Variants in TCTN3 observed in about 807,000 individuals in gnomAD.
TCTN3 encodes the protein tectonic family member 3.
A neutral mutation model predicts 71.3 loss-of-function variants in TCTN3; 57 were observed. The observed-to-expected ratio is 0.80, with a 90% CI of 0.65 to 1.00. The LOEUF (loss-of-function observed/expected upper bound fraction) is 1.00. TCTN3 is among the 50% of genes least tolerant of loss of function. The pLI is 0.00. For synonymous variants in TCTN3, 258 were observed against 267.8 expected (o/e 0.96, Z 0.36); for missense variants, 696 against 719.9 (o/e 0.97, Z 0.38).
rs906355850 is a variant in TCTN3 at position 95,680,778 on chromosome 10, CT to C, written c.1453-170del. Among the ~76,000 whole-genome samples the C allele has an allele frequency of 9.5e-3, 1,276 of 134,276 alleles. 5 individuals are homozygous for C. Among genetic ancestry groups the C allele is most frequent in the Admixed American group, 0.02 (256 of 13,118 alleles). 88.1% of individuals were successfully genotyped at this position (134,276 alleles called of 152,430 possible). A position where few individuals can be genotyped will look rare whatever the true frequency, so the allele number is the denominator to read the frequency against. On this transcript the variant is annotated intron_variant, in intron 12 of 13. Coordinates refer to ENST00000371217, the MANE Select transcript of TCTN3 (RefSeq NM_015631.6). Reference sequence around the variant, plus strand: ...ATAAGACTATGTTATTATTCCTGATCTTTTTTTTTTTTTTTTTTGAGACGAA... The same window carrying C: ...ATAAGACTATGTTATTATTCCTGATCTTTTTTTTTTTTTTTTTGAGACGAA...
chr10:95,679,860 G>C (rs1246963104), intron 13 of TCTN3, among the ~76,000 whole-genome samples: 3 of 152,104 alleles, frequency 2.0e-5, no homozygotes, highest in Non-Finnish European at 4.4e-5. Context: ...AAAGTGCTGG[G>C]ATTACAGGCG....
At chr10:95,684,650 T>C (rs751623365) in intron 8 of TCTN3, 26 bp from the exon 9 acceptor site, 1 of 1,611,168 alleles carries the variant, frequency 6.2e-7, no homozygotes, top group South Asian at 1.1e-5. Flanking sequence ...AATCAATTAA[T>C]AAAAAGTAGT....
At chr10:95,677,467 G>T (rs1440827575) in intron 13 of TCTN3, among the ~76,000 whole-genome samples, 2 of 40,708 alleles carry the variant, frequency 4.9e-5, no homozygotes, top group Non-Finnish European at 6.5e-5. Flanking sequence ...AGATAGTGAA[G>T]TCTACAGTTT....
At chr10:95,689,261 G>A (rs920679420) in intron 3 of TCTN3, among the ~76,000 whole-genome samples, 6 of 152,080 alleles carry the variant, frequency 3.9e-5, no homozygotes, top group South Asian at 2.1e-4. Context: ...AGGCCACTCC[G>A]CAGACCTCAG....
At chr10:95,671,757 A>T (rs1001650180) in intron 13 of TCTN3, among the ~76,000 whole-genome samples, 9 of 151,944 alleles carry the variant, frequency 5.9e-5, no homozygotes, top group Non-Finnish European at 8.8e-5. Context: ...TGCCCAGCTA[A>T]TTTTTTGTAT....
At chr10:95,691,306 C>A (rs933180135) in intron 3 of TCTN3, among the ~76,000 whole-genome samples, 2 of 152,118 alleles carry the variant, frequency 1.3e-5, no homozygotes, top group East Asian at 3.9e-4. Flanking sequence ...GTGCCCACTA[C>A]CATGCCTGGA....
At position 95,663,887 on chromosome 10, in the gene TCTN3, A is replaced by G. The variant is rs1166334224; in HGVS notation, c.*180T>C. 5.1e-6 allele frequency: 3 copies of G among 592,944 alleles called. No homozygotes were observed. The highest frequency in any genetic ancestry group is 8.9e-6 in the Non-Finnish European group (3 of 336,570). The allele number at this position is 592,944 out of a possible 1,614,324, so 36.7% of individuals were successfully genotyped here. On this transcript the variant is annotated 3_prime_UTR_variant, in exon 14 of 14. Transcript: ENST00000371217. ...CCCAAAGCAGAGAGCTATGATGAAT[A>G]AAATATTTTTATTGCTTTTCTAAAA...
chr10:95,686,422 T>TA, intron 7 of TCTN3, 73 bp downstream of exon 7: 3 of 1,475,566 alleles, frequency 2.0e-6, no homozygotes, highest in Non-Finnish European at 2.8e-6. Context: ...CAGTACAACT[T>TA]AGACTAAAAT....
chr10:95,687,497 T>G (rs1268874017), intron 4 of TCTN3, 95 bp downstream of exon 4: 5 of 1,562,852 alleles, frequency 3.2e-6, no homozygotes, highest in Non-Finnish European at 3.5e-6. Context: ...ATGGTTTAGC[T>G]AGCTGCAGGG....
intron 13 of TCTN3, among the ~76,000 whole-genome samples, chr10:95,672,872 T>C (rs1766174705): frequency 6.6e-6 from 1 of 151,856 alleles, no homozygotes; most frequent in Admixed American, 6.6e-5. Flanking sequence ...TTTGTGTTTT[T>C]AGTAGAGATG....
chr10:95,684,018 C>T (rs2097945852), intron 9 of TCTN3, among the ~76,000 whole-genome samples: 1 of 152,036 alleles, frequency 6.6e-6, no homozygotes, highest in Non-Finnish European at 1.5e-5. Flanking sequence ...CTCTGAGAGA[C>T]ACAGCAGTTG....
intron 12 of TCTN3, among the ~76,000 whole-genome samples, chr10:95,681,304 G>C (rs2097942771): frequency 6.6e-6 from 1 of 151,852 alleles, no homozygotes; most frequent in Non-Finnish European, 1.5e-5. Context: ...TTAAACTCCT[G>C]ATCTCAAGTG....
intron 8 of TCTN3, among the ~76,000 whole-genome samples, 197 bp downstream of exon 8, chr10:95,685,359 T>C (rs926887581): frequency 4.6e-5 from 7 of 152,208 alleles, no homozygotes; most frequent in Non-Finnish European, 8.8e-5. Context: ...TTGGGAATTG[T>C]TGAAATTCAC....
chr10:95,668,352 G>A lies in TCTN3; in HGVS notation c.1591-4052C>T, dbSNP rs543933606. Among the ~76,000 whole-genome samples the A allele has an allele frequency of 1.3e-4, 19 of 151,232 alleles. No individual in the cohort carries two copies. In the South Asian group the frequency reaches 4.0e-3, roughly 32 times the overall value. ...AAAATTCTCAGAACTGAGTTTCAGA[G>A]TAAAAAATTTGGTATAATGAATGAA... On this transcript the variant is annotated intron_variant, in intron 13 of 13. Coordinates refer to ENST00000371217, the MANE Select transcript of TCTN3 (RefSeq NM_015631.6).
rs759598264 is a variant in TCTN3, at chr10:95,693,884, G to A, written c.16C>T (p.Leu6Phe). 1.3e-6 allele frequency: 2 copies of A among 1,551,602 alleles called. No individual in the cohort carries two copies. The highest frequency in any genetic ancestry group is 1.7e-6 in the Non-Finnish European group (2 of 1,147,006). Residue 6 changes from leucine (L) to phenylalanine (F), a missense_variant, in exon 1 of 14, where the codon CTC becomes TTC. Physicochemically the swap from Leu to Phe is conservative, Grantham distance 22. Coordinates refer to ENST00000371217, the MANE Select transcript of TCTN3 (RefSeq NM_015631.6). MRTPQ[L>F]ALLQVFFLVF... ...AGAAAGAACACTTGCAGGAGCGCGA[G>A]CTGTGGGGTGCGCATGGGGCATTCA...
intron 13 of TCTN3, among the ~76,000 whole-genome samples, chr10:95,670,257 T>C (rs1203119569): frequency 2.6e-5 from 4 of 152,186 alleles, no homozygotes; most frequent in Non-Finnish European, 5.9e-5. Flanking sequence ...AAGTTTGGAG[T>C]AAATGCAGCC....
At chr10:95,671,325 A>G (rs1228793925) in intron 13 of TCTN3, among the ~76,000 whole-genome samples, 4 of 152,198 alleles carry the variant, frequency 2.6e-5, no homozygotes, top group Non-Finnish European at 5.9e-5. Flanking sequence ...ACCACCAGCA[A>G]TTTTGTTTTA....
At chr10:95,680,004 A>G (rs932093728) in intron 13 of TCTN3, among the ~76,000 whole-genome samples, 2 of 152,212 alleles carry the variant, frequency 1.3e-5, no homozygotes, top group South Asian at 2.1e-4. Flanking sequence ...AACAATAGGT[A>G]TATGTTTGCT....
At chr10:95,672,855 G>A (rs576449641) in intron 13 of TCTN3, among the ~76,000 whole-genome samples, 8 of 151,924 alleles carry the variant, frequency 5.3e-5, no homozygotes, top group Admixed American at 2.0e-4. Context: ...GCCATGCCCA[G>A]CAAATTTTTG....
Sources: allele counts gnomAD v4.1 joint callset (sites outside exome capture counted in the v4.1 genomes callset), GRCh38; gene constraint gnomAD v4.1.1; transcripts MANE v1.5; gene names NCBI Gene and HGNC (gene_info 2026-07-23, HGNC 2026-07-21).